The following JOSD1 variants were observed in gnomAD, a reference collection of about 807,000 sequenced individuals.
The protein encoded by JOSD1 is josephin-1.
A neutral mutation model predicts 24.3 loss-of-function variants in JOSD1; 11 were observed. That is an observed-to-expected ratio of 0.45 (90% CI 0.29 to 0.75). The LOEUF (loss-of-function observed/expected upper bound fraction) is 0.75, where lower values mean the gene tolerates loss of function less well. JOSD1 is among the 30% of genes least tolerant of loss of function. The pLI is 0.11. For synonymous variants in JOSD1, 106 were observed against 93.8 expected, an observed-to-expected ratio of 1.13 and a Z score of -0.75; for missense variants, 184 against 253.5, an observed-to-expected ratio of 0.73 and a Z score of 1.86.
intron 2 of JOSD1, among the ~76,000 whole-genome samples, chr22:38,690,409 T>TC (rs1478659276): frequency 6.6e-6 from 1 of 152,096 alleles, no homozygotes; most frequent in Admixed American, 6.5e-5. Flanking sequence ...TTTTTTTCTT[T>TC]CTTTTTTTTT....
Position 38,700,293 on chromosome 22 carries a change from T to TA in JOSD1, c.-307_-306insT. 4 of 282,424 alleles carry TA rather than the reference T, an allele frequency of 1.4e-5. No individual in the cohort carries two copies. Among genetic ancestry groups the TA allele is most frequent in the Non-Finnish European group, 1.9e-5 (4 of 209,516 alleles). The allele number at this position is 282,424 out of a possible 1,614,324, so 17.5% of individuals were successfully genotyped here. Reference sequence around the variant, plus strand: ...TTGTTTCCGTTTCCCCACCCTTCCCTCCCACCCCCCTCCAAAATCCCCACG... The same window carrying TA: ...TTGTTTCCGTTTCCCCACCCTTCCCTACCCACCCCCCTCCAAAATCCCCACG... On this transcript the variant is annotated 5_prime_UTR_variant, in exon 2 of 5. Transcript: ENST00000683374.
chr22:38,695,444 G>GATTTT (rs774166895), intron 2 of JOSD1, among the ~76,000 whole-genome samples: 1 of 114,774 alleles, frequency 8.7e-6, no homozygotes, highest in African/African-American at 3.1e-5. Flanking sequence ...TTTTTGCCTA[G>GATTTT]TTTTTTTTTT....
At chr22:38,694,953 C>T (rs918978460) in intron 2 of JOSD1, among the ~76,000 whole-genome samples, 6 of 151,668 alleles carry the variant, frequency 4.0e-5, no homozygotes, top group African/African-American at 1.5e-4. Context: ...TTGTTCCTCT[C>T]TCATGGTTTC....
chr22:38,694,273 G>T (rs1199025520), intron 2 of JOSD1, among the ~76,000 whole-genome samples: 1 of 152,178 alleles, frequency 6.6e-6, no homozygotes, highest in Non-Finnish European at 1.5e-5. Context: ...GGAAGCTGAG[G>T]TGCAAAGGTT....
chr22:38,692,604 C>T (rs1207726798), intron 2 of JOSD1, among the ~76,000 whole-genome samples: 1 of 151,650 alleles, frequency 6.6e-6, no homozygotes, highest in Admixed American at 6.6e-5. Flanking sequence ...CATAGTGAAA[C>T]CCCATCTCTA....
chr22:38,694,768 A>G (rs1440310172), intron 2 of JOSD1, among the ~76,000 whole-genome samples: 1 of 150,590 alleles, frequency 6.6e-6, no homozygotes, highest in Non-Finnish European at 1.5e-5. Context: ...AGGCTGAGGC[A>G]GGAGAATGGC....
rs188089152 is a variant in JOSD1, at chr22:38,693,866, T to A, written c.186-4442A>T. Among the ~76,000 whole-genome samples, 444 of 152,188 alleles carry A rather than the reference T, an allele frequency of 2.9e-3. 1 individual carries two copies. The highest frequency in any genetic ancestry group is 1.0e-2 in the South Asian group (48 of 4,816). The stretch of plus-strand genomic sequence containing the variant: ...AGGACCATACATATCTGAGTTCATA[T>A]CCTAGCACCGATCAACACTAACTGT... On this transcript the variant is annotated intron_variant, in intron 2 of 4. Coordinates refer to ENST00000683374, the MANE Select transcript of JOSD1 (RefSeq NM_001360236.2).
At chr22:38,689,504 A>G in intron 2 of JOSD1, 80 bp from the exon 3 acceptor site, 7 of 1,532,304 alleles carry the variant, frequency 4.6e-6, no homozygotes, top group Non-Finnish European at 6.2e-6. Context: ...GATGGAGAGC[A>G]CTTTACATCA....
chr22:38,701,305 G>A (rs890835812), upstream of JOSD1: 3 of 152,346 alleles, frequency 2.0e-5, no homozygotes, highest in African/African-American at 7.2e-5. Context: ...GTTTCGGGGC[G>A]GCAGCCAGGC....
upstream of JOSD1, chr22:38,701,065 G>A (rs2092568469): frequency 1.2e-6 from 1 of 841,882 alleles, no homozygotes; most frequent in South Asian, 5.4e-5. Context: ...CCTGACGTAA[G>A]TCTGACGTCA....
intron 2 of JOSD1, among the ~76,000 whole-genome samples, chr22:38,695,648 T>C (rs908997365): frequency 1.3e-5 from 2 of 152,126 alleles, no homozygotes; most frequent in South Asian, 2.1e-4. Context: ...GGTCTCACTA[T>C]GTTGCACGGG....
At chr22:38,698,435 T>C (rs965728993) in intron 2 of JOSD1, among the ~76,000 whole-genome samples, 6 of 152,268 alleles carry the variant, frequency 3.9e-5, no homozygotes, top group African/African-American at 1.2e-4. Context: ...AAATGGTCCA[T>C]ACCTGTGTTT....
At chr22:38,689,677 C>CTTTT (rs527263886) in intron 2 of JOSD1, among the ~76,000 whole-genome samples, 1 of 145,878 alleles carries the variant, frequency 6.9e-6, no homozygotes, top group East Asian at 2.0e-4. Context: ...TCATGCAAGC[C>CTTTT]TTTTTTTTTT....
intron 2 of JOSD1, among the ~76,000 whole-genome samples, chr22:38,699,475 C>T (rs1310470094): frequency 1.3e-5 from 2 of 152,218 alleles, no homozygotes; most frequent in African/African-American, 4.8e-5. Flanking sequence ...TCAACCCCAG[C>T]TCCAAGTCTT....
At chr22:38,700,996 C>A (rs1406596841), upstream of JOSD1, 3 of 984,330 alleles carry the variant, frequency 3.0e-6, no homozygotes, top group Non-Finnish European at 3.6e-6. Flanking sequence ...CCCCGCCCGG[C>A]GCGTGCTCCG....
intron 2 of JOSD1, among the ~76,000 whole-genome samples, chr22:38,697,106 T>C (rs2092549263): frequency 6.6e-6 from 1 of 152,246 alleles, no homozygotes; most frequent in Non-Finnish European, 1.5e-5. Context: ...TCTCAGGGGC[T>C]GAGGCCTGTT....
In JOSD1 at chr22:38,699,917, G is replaced by C. The variant is rs762796347; in HGVS notation, c.71C>G (p.Pro24Arg). 2 of 1,614,014 alleles carry C rather than the reference G, an allele frequency of 1.2e-6. No individual in the cohort carries two copies. The highest frequency in any genetic ancestry group is 1.3e-5 in the African/African-American group (1 of 74,912). ...ESLELPQAAP[P>R]QIYHEKQRRE... ...GCGCTGTTTCTCATGGTAGATTTGT[G>C]GGGGTGCTGCCTGGGGCAGCTCCAA... is the stretch of plus-strand genomic sequence containing the variant. Residue 24 changes from proline to arginine, a missense_variant, in exon 2 of 5, where the codon CCA becomes CGA. Physicochemically the swap from Pro to Arg is moderately radical, Grantham distance 103. Transcript: ENST00000683374.
At position 38,700,179 on chromosome 22, in the gene JOSD1, TCTC is replaced by T; in HGVS notation, c.-195_-193del. 1.6e-6 allele frequency: 2 copies of T among 1,284,712 alleles called. No homozygotes were observed. The highest frequency in any genetic ancestry group is 2.6e-4 in the Middle Eastern group (1 of 3,896). The allele number at this position is 1,284,712 out of a possible 1,614,324, so 79.6% of individuals were successfully genotyped here. A position where few individuals can be genotyped will look rare whatever the true frequency, so the allele number is the denominator to read the frequency against. On this transcript the variant is annotated 5_prime_UTR_variant, in exon 2 of 5. Transcript: ENST00000683374. ...AAAATAAAACCCACCTCTTCTCTCT[TCTC>T]AATAGAAAAATAACTTTTGGATTAC...
chr22:38,697,860 T>C (rs1321266092), intron 2 of JOSD1, among the ~76,000 whole-genome samples: 1 of 152,246 alleles, frequency 6.6e-6, no homozygotes, highest in Non-Finnish European at 1.5e-5. Flanking sequence ...ATTATTCCCA[T>C]AGTCAGATCA....
Sources: gnomAD v4.1 joint callset for allele counts (sites outside exome capture counted in the v4.1 genomes callset) on GRCh38, gnomAD v4.1.1 for gene constraint, MANE v1.5 for transcripts, NCBI Gene and HGNC (gene_info 2026-07-23, HGNC 2026-07-21) for gene names.